NRXN1: variants seen among roughly 807,000 people sequenced by gnomAD.
The protein encoded by NRXN1 is neurexin 1.
In NRXN1, 39 loss-of-function variants were observed where a neutral mutation model predicts 150.9. The observed-to-expected ratio is 0.26, with a 90% CI of 0.20 to 0.34. NRXN1 has a LOEUF of 0.34. Ranked by LOEUF, NRXN1 falls within the 10% of genes least tolerant of loss-of-function variation. NRXN1 has a pLI of 1.00. For missense variants in NRXN1, 1,815 were observed against 1,949.9 expected (o/e 0.93, Z 1.30); for synonymous variants, 924 against 757.0 (o/e 1.22, Z -3.62).
chr2:50,495,289 A>G (rs1019760118), intron 15 of NRXN1, among the ~76,000 whole-genome samples: 1 of 152,000 alleles, frequency 6.6e-6, no homozygotes, highest in African/African-American at 2.4e-5. Context: ...TGAAGTATCA[A>G]TAAGGAAGAG....
At chr2:50,780,670 T>C (rs932744962) in intron 5 of NRXN1, among the ~76,000 whole-genome samples, 1 of 152,208 alleles carries the variant, frequency 6.6e-6, no homozygotes, top group East Asian at 1.9e-4. Context: ...ATGTTGAATA[T>C]TTAAGTTCTA....
intron 8 of NRXN1, among the ~76,000 whole-genome samples, chr2:50,612,520 G>A (rs772803247): frequency 6.6e-6 from 1 of 151,904 alleles, no homozygotes; most frequent in Non-Finnish European, 1.5e-5. Flanking sequence ...ATGCCTCTTG[G>A]GTAACTCACT....
intron 5 of NRXN1, among the ~76,000 whole-genome samples, chr2:50,857,333 C>A (rs1675419270): frequency 6.6e-6 from 1 of 151,952 alleles, no homozygotes; most frequent in African/African-American, 2.4e-5. Context: ...AGTTAAAAAG[C>A]CAGTGGTGGC....
intron 21 of NRXN1, among the ~76,000 whole-genome samples, chr2:49,949,476 A>G (rs551531604): frequency 2.9e-4 from 44 of 151,982 alleles, no homozygotes; most frequent in Non-Finnish European, 3.1e-4. Context: ...TCCTTATGAT[A>G]AACAGCTTTC....
chr2:50,976,074 G>T (rs1207181415), intron 2 of NRXN1, among the ~76,000 whole-genome samples: 1 of 151,910 alleles, frequency 6.6e-6, no homozygotes, highest in African/African-American at 2.4e-5. Flanking sequence ...TCCCAATAAT[G>T]CCTGTGTGCC....
chr2:50,864,468 G>A (rs1676584530), intron 5 of NRXN1, among the ~76,000 whole-genome samples: 1 of 151,984 alleles, frequency 6.6e-6, no homozygotes, highest in Admixed American at 6.6e-5. Flanking sequence ...AACAAAGTGT[G>A]TATGATTAGT....
At chr2:50,601,122 T>C (rs1007914986) in intron 8 of NRXN1, among the ~76,000 whole-genome samples, 1 of 152,166 alleles carries the variant, frequency 6.6e-6, no homozygotes, top group African/African-American at 2.4e-5. Context: ...TCACTGTGCC[T>C]TAATTTATTC....
chr2:51,020,754 T>G (rs755973142), intron 2 of NRXN1, among the ~76,000 whole-genome samples: 1 of 151,972 alleles, frequency 6.6e-6, no homozygotes, highest in Non-Finnish European at 1.5e-5. Context: ...TAACATATAT[T>G]AAGATGTAAA....
At chr2:50,442,813 C>A (rs1453347428) in intron 17 of NRXN1, among the ~76,000 whole-genome samples, 3 of 151,994 alleles carry the variant, frequency 2.0e-5, no homozygotes, top group Non-Finnish European at 2.9e-5. Flanking sequence ...TTGGTGGACA[C>A]CTTGGAAGAA....
At position 50,595,510 on chromosome 2, in the gene NRXN1, C is replaced by T. The variant is rs79661490; in HGVS notation, c.1320+24512G>A. 5.2e-4 allele frequency among the ~76,000 whole-genome samples: 79 copies of T among 152,004 alleles called. No homozygotes were observed. The East Asian group carries it at 0.015, about 29-fold the overall frequency. ...GCTCCAGGTGAGAGAAGCACTAAAT[C>T]ACAGATAAGAGCCAGAGTAACATTT... On this transcript the variant is annotated intron_variant, in intron 8 of 22. Transcript: ENST00000401669.
At position 50,236,843 on chromosome 2, in the gene NRXN1, T is replaced by C. The variant is rs758778185; in HGVS notation, c.3492A>G (p.Val1164=). The C allele has an allele frequency of 6.2e-7, 1 of 1,613,208 alleles. No individual in the cohort carries two copies. Among genetic ancestry groups the C allele is most frequent in the Non-Finnish European group, 8.5e-7 (1 of 1,179,628 alleles). Residue 1164 remains valine (V), a synonymous_variant, in exon 18 of 23, where the codon GTA becomes GTG. Coordinates refer to ENST00000401669, the MANE Select transcript of NRXN1 (RefSeq NM_001330078.2). ...CTGAAGAACTGTCCACTCGCACCAA[T>C]ACGGCTTCTTTCTGAACAGTGCTAA... ...IGFSTVQKEA[V]LVRVDSSSGL... is the part of the protein sequence containing the mutation.
rs146503978 is a variant in NRXN1, at chr2:50,845,681, C to T, written c.832+76188G>A. Among the ~76,000 whole-genome samples, 966 of 152,244 alleles carry T rather than the reference C, an allele frequency of 6.3e-3. 13 individuals carry two copies. Among genetic ancestry groups the T allele is most frequent in the African/African-American group, 0.022 (897 of 41,538 alleles). On this transcript the variant is annotated intron_variant, in intron 5 of 22. Coordinates refer to ENST00000401669, the MANE Select transcript of NRXN1 (RefSeq NM_001330078.2). The stretch of plus-strand genomic sequence containing the variant: ...AATATGGTGGATGCTCGATCTATGT[C>T]AAGTGATACAGTAGCATATTCCACA...
chr2:49,960,727 C>T (rs1404046143), intron 21 of NRXN1, among the ~76,000 whole-genome samples: 1 of 152,148 alleles, frequency 6.6e-6, no homozygotes. Flanking sequence ...ACCGGCACTG[C>T]CAACAAAAAG....
intron 5 of NRXN1, among the ~76,000 whole-genome samples, chr2:50,891,088 G>A (rs575813197): frequency 6.6e-6 from 1 of 152,010 alleles, no homozygotes; most frequent in Non-Finnish European, 1.5e-5. Context: ...CAGCCTCCTC[G>A]AAGTCAAAAT....
At chr2:50,702,967 A>T (rs1461427328) in intron 5 of NRXN1, among the ~76,000 whole-genome samples, 1 of 152,086 alleles carries the variant, frequency 6.6e-6, no homozygotes, top group African/African-American at 2.4e-5. Flanking sequence ...TAGGATATAA[A>T]CAAGAGACAG....
At chr2:50,271,498 T>C (rs1268721838) in intron 17 of NRXN1, among the ~76,000 whole-genome samples, 1 of 152,192 alleles carries the variant, frequency 6.6e-6, no homozygotes, top group Non-Finnish European at 1.5e-5. Context: ...TATTCTATTT[T>C]CTTCAGTCTT....
In NRXN1 at chr2:50,308,582, G is replaced by A. The variant is rs145197180; in HGVS notation, c.3365-71612C>T. Reference sequence around the variant, plus strand: ...TTGCCCAGGCAGCTGTCTAACGCCTGGCATCAAGGGATCCTTCCACCTCAG... The same window carrying A: ...TTGCCCAGGCAGCTGTCTAACGCCTAGCATCAAGGGATCCTTCCACCTCAG... On this transcript the variant is annotated intron_variant, in intron 17 of 22. Transcript: ENST00000401669. 5.8e-3 allele frequency among the ~76,000 whole-genome samples: 886 copies of A among 152,142 alleles called. 5 individuals carry two copies. The highest frequency in any genetic ancestry group is 9.6e-3 in the Non-Finnish European group (651 of 68,004).
intron 19 of NRXN1, among the ~76,000 whole-genome samples, chr2:50,072,212 A>T (rs565738931): frequency 6.6e-6 from 1 of 152,280 alleles, no homozygotes; most frequent in South Asian, 2.1e-4. Flanking sequence ...CCTCCTTGTA[A>T]CACCTGCTAC....
At chr2:50,221,678 A>T (rs10169521) in intron 18 of NRXN1, among the ~76,000 whole-genome samples, 19,379 of 152,006 alleles carry the variant, frequency 0.13, 1,358 homozygotes, top group African/African-American at 0.17. Flanking sequence ...TGAAGTAATT[A>T]ATCACATGTA....
Sources: gnomAD v4.1 joint callset for allele counts (sites outside exome capture counted in the v4.1 genomes callset) on GRCh38, gnomAD v4.1.1 for gene constraint, MANE v1.5 for transcripts, NCBI Gene and HGNC (gene_info 2026-07-23, HGNC 2026-07-21) for gene names.